The following AGBL4 variants were observed in gnomAD, a reference collection of about 807,000 sequenced individuals.
AGBL4 encodes the protein cytosolic carboxypeptidase 6.
In AGBL4, 58 loss-of-function variants were observed where a neutral mutation model predicts 66.4. The observed-to-expected ratio is 0.87, with a 90% confidence interval of 0.71 to 1.09. AGBL4 has a LOEUF of 1.09. Ranked by LOEUF, AGBL4 falls within the 50% of genes least tolerant of loss-of-function variation. The pLI is 0.00. For missense variants in AGBL4, 579 were observed against 631.0 expected (o/e 0.92, Z 0.88); for synonymous variants, 234 against 222.9 (o/e 1.05, Z -0.44).
chr1:49,936,365 G>C (rs1365365019), intron 1 of AGBL4, among the ~76,000 whole-genome samples: 1 of 152,084 alleles, frequency 6.6e-6, no homozygotes. Context: ...GTCTGATTGG[G>C]GTACCTTAAA....
chr1:49,022,249 A>G (rs1277093964), intron 5 of AGBL4, among the ~76,000 whole-genome samples: 2 of 152,168 alleles, frequency 1.3e-5, no homozygotes, highest in Admixed American at 1.3e-4. Flanking sequence ...TGCAGGATGA[A>G]GTTAAATAAT....
Position 49,125,946 on chromosome 1 carries a change from G to A in AGBL4, c.378-80146C>T, listed in dbSNP as rs538686462. Among the ~76,000 whole-genome samples, 174 of 152,168 alleles carry A rather than the reference G, an allele frequency of 1.1e-3. 2 individuals carry two copies. The South Asian group carries it at 0.016, about 14-fold the overall frequency. On this transcript the variant is annotated intron_variant, in intron 4 of 13. Coordinates refer to ENST00000371839, the MANE Select transcript of AGBL4 (RefSeq NM_032785.4). ...CATTGGAAAACAGCCCTTATTCTTA[G>A]GCATGAAAAATATCAGTCCCATTTT...
intron 3 of AGBL4, among the ~76,000 whole-genome samples, chr1:49,613,044 C>T (rs1043265290): frequency 3.9e-5 from 6 of 152,148 alleles, no homozygotes; most frequent in Non-Finnish European, 7.4e-5. Context: ...GAATACTACA[C>T]AATCATAAAA....
chr1:49,247,489 A>T (rs746558577), intron 3 of AGBL4, among the ~76,000 whole-genome samples: 4 of 152,092 alleles, frequency 2.6e-5, no homozygotes, highest in Non-Finnish European at 4.4e-5. Context: ...TTGTCAATTC[A>T]ATTACTTCTC....
intron 3 of AGBL4, among the ~76,000 whole-genome samples, chr1:49,322,235 G>T (rs1354858442): frequency 6.6e-6 from 1 of 152,106 alleles, no homozygotes; most frequent in Non-Finnish European, 1.5e-5. Context: ...TTCCAAAATA[G>T]TTTTTATAGC....
At chr1:49,957,803 C>G (rs560756126) in intron 1 of AGBL4, among the ~76,000 whole-genome samples, 3 of 152,138 alleles carry the variant, frequency 2.0e-5, no homozygotes, top group South Asian at 2.1e-4. Flanking sequence ...TGGATCTTGA[C>G]TGTTTATCCA....
chr1:49,916,628 G>A (rs576929652), intron 1 of AGBL4, among the ~76,000 whole-genome samples: 4 of 152,292 alleles, frequency 2.6e-5, no homozygotes, highest in East Asian at 1.9e-4. Context: ...TGAAAGTGAC[G>A]GGGAGAATGG....
chr1:49,245,257 TACACACACACACACACAC>T (rs139244286), intron 4 of AGBL4, among the ~76,000 whole-genome samples: 1 of 139,074 alleles, frequency 7.2e-6, no homozygotes, highest in African/African-American at 2.7e-5. Context: ...AACTTTAAAA[TACACACACACACACACAC>T]ACACACACAC....
intron 3 of AGBL4, among the ~76,000 whole-genome samples, chr1:49,263,148 A>T (rs1653381394): frequency 6.7e-6 from 1 of 150,294 alleles, no homozygotes; most frequent in Non-Finnish European, 1.5e-5. Context: ...CACTCTGGGG[A>T]CTGTTGTGGG....
intron 5 of AGBL4, among the ~76,000 whole-genome samples, chr1:48,988,782 G>C (rs753689071): frequency 6.6e-6 from 1 of 152,136 alleles, no homozygotes; most frequent in Non-Finnish European, 1.5e-5. Context: ...GCATATGAAT[G>C]GGCAGGTGGA....
intron 3 of AGBL4, among the ~76,000 whole-genome samples, chr1:49,354,040 A>G (rs1570504617): frequency 6.6e-6 from 1 of 152,182 alleles, no homozygotes; most frequent in African/African-American, 2.4e-5. Context: ...AAAGGCTGTC[A>G]CCCTGACTGT....
At chr1:48,696,048 C>A (rs1026126450) in intron 6 of AGBL4, among the ~76,000 whole-genome samples, 1 of 152,166 alleles carries the variant, frequency 6.6e-6, no homozygotes, top group Admixed American at 6.5e-5. Flanking sequence ...AGGCTGTCTG[C>A]GCTGGCCCTG....
intron 5 of AGBL4, among the ~76,000 whole-genome samples, chr1:49,034,315 T>C (rs1230260811): frequency 6.6e-6 from 1 of 152,090 alleles, no homozygotes; most frequent in South Asian, 2.1e-4. Context: ...TTGGATTAAT[T>C]TGGAGGAAAG....
At chr1:49,834,743 C>G (rs139220317) in intron 2 of AGBL4, among the ~76,000 whole-genome samples, 1 of 152,144 alleles carries the variant, frequency 6.6e-6, no homozygotes, top group Non-Finnish European at 1.5e-5. Context: ...ACTGCTTTAA[C>G]TGTGTCTTGG....
chr1:48,867,644 C>T (rs115578655), intron 5 of AGBL4, among the ~76,000 whole-genome samples: 2,640 of 152,252 alleles, frequency 0.017, 77 homozygotes, highest in African/African-American at 0.061. Context: ...GATATATTGG[C>T]AATGCTCTTT....
chr1:48,649,006 A>G (rs6680655), intron 8 of AGBL4, among the ~76,000 whole-genome samples: 3,580 of 152,298 alleles, frequency 0.024, 147 homozygotes, highest in African/African-American at 0.082. Context: ...TGTTTAGTTC[A>G]TTTGTTCATT....
intron 1 of AGBL4, among the ~76,000 whole-genome samples, chr1:49,924,018 T>C (rs548747078): frequency 2.0e-5 from 3 of 152,288 alleles, no homozygotes; most frequent in African/African-American, 7.2e-5. Context: ...CACATGCGTG[T>C]GTATGTTAAT....
intron 3 of AGBL4, among the ~76,000 whole-genome samples, chr1:49,401,167 CTT>C (rs1368012057): frequency 2.6e-5 from 4 of 152,116 alleles, no homozygotes; most frequent in Non-Finnish European, 2.9e-5. Flanking sequence ...TCTGAGGAAA[CTT>C]AAACTCATGG....
At chr1:49,729,358 T>C (rs976614235) in intron 2 of AGBL4, among the ~76,000 whole-genome samples, 1 of 152,184 alleles carries the variant, frequency 6.6e-6, no homozygotes, top group Non-Finnish European at 1.5e-5. Flanking sequence ...CTAGCAAAAT[T>C]ATTTCACCAT....
Sources: allele counts gnomAD v4.1 joint callset (sites outside exome capture counted in the v4.1 genomes callset), GRCh38; gene constraint gnomAD v4.1.1; transcripts MANE v1.5; gene names NCBI Gene and HGNC (gene_info 2026-07-23, HGNC 2026-07-21).